The following DCHS2 variants were observed in gnomAD, a reference collection of about 807,000 sequenced individuals.
DCHS2 encodes the protein dachsous cadherin-related 2.
A neutral mutation model predicts 182.4 loss-of-function variants in DCHS2; 142 were observed. The ratio of observed to expected loss-of-function variants is 0.78; its 90% CI spans 0.68 to 0.89. DCHS2 has a LOEUF of 0.89. Ranked by LOEUF, DCHS2 falls within the 40% of genes least tolerant of loss-of-function variation. The probability of loss-of-function intolerance (pLI) is 0.00; values close to 1 mark genes in which losing one functional copy is unlikely to be tolerated. For missense variants in DCHS2, 4,319 were observed against 4,198.6 expected (o/e 1.03, Z -0.79); for synonymous variants, 1,740 against 1,663.3 (o/e 1.05, Z -1.12).
At chr4:154,332,358 G>T (rs78093689) in intron 5 of DCHS2, 120 bp downstream of exon 5, 2 of 865,260 alleles carry the variant, frequency 2.3e-6, no homozygotes, top group Admixed American at 2.9e-5. Flanking sequence ...TATACCTAAC[G>T]ACTTGAGTTT....
chr4:154,379,594 A>T (rs1182322367), intron 1 of DCHS2, among the ~76,000 whole-genome samples: 1 of 152,204 alleles, frequency 6.6e-6, no homozygotes, highest in African/African-American at 2.4e-5. Flanking sequence ...GCTGTCTTGC[A>T]TATATTTGTA....
At chr4:154,426,515 A>C (rs892732180) in intron 1 of DCHS2, among the ~76,000 whole-genome samples, 1 of 152,242 alleles carries the variant, frequency 6.6e-6, no homozygotes, top group African/African-American at 2.4e-5. Context: ...TGTAATACAA[A>C]GTGCAGGTCC....
chr4:154,344,453 ACTTC>A (rs938359238), intron 3 of DCHS2, among the ~76,000 whole-genome samples: 4 of 152,282 alleles, frequency 2.6e-5, no homozygotes, highest in Non-Finnish European at 5.9e-5. Flanking sequence ...ACATTCAGTC[ACTTC>A]CTTCATTTCT....
chr4:154,327,147 G>A (rs1736316080), intron 7 of DCHS2, among the ~76,000 whole-genome samples: 1 of 151,902 alleles, frequency 6.6e-6, no homozygotes, highest in Non-Finnish European at 1.5e-5. Flanking sequence ...GTGTTGTTTT[G>A]AAGTTTGTAC....
intron 1 of DCHS2, among the ~76,000 whole-genome samples, chr4:154,485,897 T>G (rs1181214748): frequency 3.3e-5 from 5 of 152,182 alleles, no homozygotes; most frequent in Non-Finnish European, 7.4e-5. Context: ...GGAGCTCTTG[T>G]CTAGAGGTTG....
rs961213945 is a variant in DCHS2, at chr4:154,303,231, G to A, written c.5605+1438C>T. On this transcript the variant is annotated intron_variant, in intron 12 of 19. Transcript: ENST00000357232. ...TCCTGACCTCAGGTGATCCGCCCACGTTGGCCTCCCAAAGTGCTGGGATGA... is the reference window on the plus strand; with the variant it reads ...TCCTGACCTCAGGTGATCCGCCCACATTGGCCTCCCAAAGTGCTGGGATGA... 5.3e-5 allele frequency among the ~76,000 whole-genome samples: 8 copies of A among 151,766 alleles called. No homozygotes were observed. In the East Asian group the frequency reaches 5.8e-4, roughly 11 times the overall value.
chr4:154,420,246 C>CAGACAGACAGACAGATAGAT (rs1553950394), intron 1 of DCHS2, among the ~76,000 whole-genome samples: 22 of 144,854 alleles, frequency 1.5e-4, no homozygotes, highest in Admixed American at 1.4e-4. Context: ...GACAGACAGA[C>CAGACAGACAGACAGATAGAT]AGATAGATAG....
intron 1 of DCHS2, among the ~76,000 whole-genome samples, chr4:154,394,285 A>G (rs1442183346): frequency 6.6e-6 from 1 of 152,192 alleles, no homozygotes; most frequent in Admixed American, 6.5e-5. Context: ...TATTCTGCTC[A>G]TACAGAATTG....
In DCHS2 at chr4:154,235,726, C is replaced by G. The variant is rs1250388630; in HGVS notation, c.8926G>C (p.Val2976Leu). 4 of 1,613,900 alleles carry G rather than the reference C, an allele frequency of 2.5e-6. No homozygotes were observed. Among genetic ancestry groups the G allele is most frequent in the South Asian group, 2.2e-5 (2 of 91,074 alleles). ...CCTTCAGAGGAGAAAGACACATTCACAAAAACAGTGCAAGATGCAAACTTG... is the reference window on the plus strand; with the variant it reads ...CCTTCAGAGGAGAAAGACACATTCAGAAAAACAGTGCAAGATGCAAACTTG... Reference protein sequence around the residue: ...DSKFASCTVFVNVSFSSEGTP... With the variant: ...DSKFASCTVFLNVSFSSEGTP... The change falls in exon 20 of 20, where the codon GTG becomes CTG. Residue 2976 changes from valine (V) to leucine (L), a missense_variant. By Grantham distance (32) the Val-to-Leu change is conservative (BLOSUM62 1). Transcript: ENST00000357232.
At position 154,298,267 on chromosome 4, in the gene DCHS2, C is replaced by T. The variant is rs1239234528; in HGVS notation, c.6047G>A (p.Gly2016Asp). 6.2e-7 allele frequency: 1 copy of T among 1,614,128 alleles called. No homozygotes were observed. Among genetic ancestry groups the T allele is most frequent in the Non-Finnish European group, 8.5e-7 (1 of 1,180,004 alleles). The change falls in exon 13 of 20, where the codon GGT becomes GAT. Residue 2016 changes from glycine to aspartate, a missense_variant. Transcript: ENST00000357232. Reference sequence around the variant, plus strand: ...TATAATTACAGTGGTGCTTCGTGAACCCTGGATGCTACAGTCTCTGGCCAC... The same window carrying T: ...TATAATTACAGTGGTGCTTCGTGAATCCTGGATGCTACAGTCTCTGGCCAC... ...SAVARDCSIQGSRSTTVIIKV... is the reference protein window; with the variant it reads ...SAVARDCSIQDSRSTTVIIKV...
intron 14 of DCHS2, among the ~76,000 whole-genome samples, chr4:154,265,587 T>G (rs1560995799): frequency 6.6e-6 from 1 of 152,162 alleles, no homozygotes; most frequent in Non-Finnish European, 1.5e-5. Flanking sequence ...GAGGCCAGCC[T>G]GGGCAACAAA....
chr4:154,291,444 G>T (rs1734656137), intron 13 of DCHS2, among the ~76,000 whole-genome samples: 1 of 152,050 alleles, frequency 6.6e-6, no homozygotes, highest in Non-Finnish European at 1.5e-5. Context: ...GCACTGTTAG[G>T]TTATATACTT....
chr4:154,391,627 C>T (rs1363966302), intron 1 of DCHS2, among the ~76,000 whole-genome samples: 2 of 152,152 alleles, frequency 1.3e-5, no homozygotes, highest in African/African-American at 4.8e-5. Flanking sequence ...CCTCATCTGA[C>T]ATCTCAACAC....
rs61741015 is a variant in DCHS2 at position 154,236,809 on chromosome 4, C to T, written c.7843G>A (p.Gly2615Ser). The T allele has an allele frequency of 1.7e-3, 2,788 of 1,613,958 alleles. 45 individuals carry two copies. In the African/African-American group the frequency reaches 0.032, roughly 18 times the overall value. ...AGACTGTGAAGCAACACAAGATAACCGACTTGCTTATAAGGATATTCTGAA... is the reference window on the plus strand; with the variant it reads ...AGACTGTGAAGCAACACAAGATAACTGACTTGCTTATAAGGATATTCTGAA... ...FHSEYPYKQV[G>S]YLVLLHSLDR... The change falls in exon 20 of 20, where the codon GGT becomes AGT. Residue 2615 changes from glycine (G) to serine (S), a missense_variant. Coordinates refer to ENST00000357232, the MANE Select transcript of DCHS2 (RefSeq NM_001358235.2).
intron 1 of DCHS2, among the ~76,000 whole-genome samples, chr4:154,427,357 T>C (rs1733374120): frequency 6.6e-6 from 1 of 152,224 alleles, no homozygotes; most frequent in South Asian, 2.1e-4. Context: ...GTTCAAACTG[T>C]GTTAAAACAA....
At chr4:154,280,976 C>T (rs549859623) in intron 13 of DCHS2, among the ~76,000 whole-genome samples, 20 of 152,100 alleles carry the variant, frequency 1.3e-4, no homozygotes, top group African/African-American at 4.1e-4. Flanking sequence ...TACAGGCATC[C>T]GCCATCATAC....
At chr4:154,457,654 G>C (rs1426043074) in intron 1 of DCHS2, among the ~76,000 whole-genome samples, 1 of 152,260 alleles carries the variant, frequency 6.6e-6, no homozygotes, top group East Asian at 1.9e-4. Flanking sequence ...TATGCCATCT[G>C]TTACATCTGG....
chr4:154,428,217 A>G (rs1301636125), intron 1 of DCHS2, among the ~76,000 whole-genome samples: 1 of 152,212 alleles, frequency 6.6e-6, no homozygotes, highest in African/African-American at 2.4e-5. Flanking sequence ...AACAAGGGTG[A>G]AAATAAAAAG....
chr4:154,399,324 C>T (rs1560735099), intron 1 of DCHS2, among the ~76,000 whole-genome samples: 7 of 152,048 alleles, frequency 4.6e-5, no homozygotes. Context: ...TTCAAATCTG[C>T]CAAAAAATAT....
Sources: gnomAD v4.1 joint callset for allele counts (sites outside exome capture counted in the v4.1 genomes callset) on GRCh38, gnomAD v4.1.1 for gene constraint, MANE v1.5 for transcripts, NCBI Gene and HGNC (gene_info 2026-07-23, HGNC 2026-07-21) for gene names.